PCM1: variants seen among roughly 807,000 people sequenced by gnomAD.
PCM1 encodes pericentriolar material 1 protein.
Under a neutral mutation model 241.9 loss-of-function variants are expected in PCM1, and 157 were observed. That is an observed-to-expected ratio of 0.65 (90% confidence interval 0.57 to 0.74). The LOEUF (loss-of-function observed/expected upper bound fraction) is 0.74. Ranked by LOEUF, PCM1 falls within the 30% of genes least tolerant of loss-of-function variation. PCM1 has a pLI of 0.00. For missense variants in PCM1, 3,478 were observed against 2,360.1 expected, an observed-to-expected ratio of 1.47 and a Z score of -9.81; for synonymous variants, 1,085 against 784.9, an observed-to-expected ratio of 1.38 and a Z score of -6.39.
chr8:17,937,499 G>A (rs1364940228), intron 4 of PCM1, 120 bp downstream of exon 4: 1 of 858,776 alleles, frequency 1.2e-6, no homozygotes, highest in Non-Finnish European at 1.7e-6. Context: ...AAAAGTTTCT[G>A]TGCCTATGGA....
At chr8:17,955,761 G>C in intron 10 of PCM1, 108 bp downstream of exon 10, 1 of 866,600 alleles carries the variant, frequency 1.2e-6, no homozygotes. Context: ...TAATATTGTT[G>C]TAAACATTCT....
At chr8:17,982,541 C>G (rs1011058107) in intron 24 of PCM1, 1 of 152,070 alleles carries the variant, frequency 6.6e-6, no homozygotes, top group African/African-American at 2.4e-5. Flanking sequence ...GTCATCCAGG[C>G]TGGAGTGCAG....
chr8:17,945,616 C>T (rs1220155724), intron 6 of PCM1, among the ~76,000 whole-genome samples: 1 of 152,086 alleles, frequency 6.6e-6, no homozygotes, highest in African/African-American at 2.4e-5. Flanking sequence ...TAAAATATTA[C>T]CACAGTTACT....
chr8:18,018,848 G>GTATA (rs765183382), intron 36 of PCM1, among the ~76,000 whole-genome samples: 391 of 35,952 alleles, frequency 0.011, 3 homozygotes, highest in African/African-American at 0.015. Context: ...ATGTGTGTGT[G>GTATA]TGTGTATATA....
chr8:17,935,551 T>C, intron 2 of PCM1, 38 bp from the exon 3 acceptor site: 1 of 706,318 alleles, frequency 1.4e-6, no homozygotes, highest in Non-Finnish European at 2.6e-6. Context: ...AATTTGTTTT[T>C]ATGTGTTATA....
intron 36 of PCM1, chr8:18,024,866 A>T (rs577239391): frequency 1.4e-4 from 22 of 152,420 alleles, no homozygotes; most frequent in African/African-American, 4.8e-4. Context: ...ATTAAAAATC[A>T]GAAGGGAGAA....
intron 2 of PCM1, among the ~76,000 whole-genome samples, chr8:17,935,068 A>G (rs997227742): frequency 1.1e-4 from 17 of 152,110 alleles, no homozygotes; most frequent in African/African-American, 3.1e-4. Context: ...CTCTTTCCCT[A>G]CCTTCTTATC....
chr8:17,997,823 G>A lies in PCM1; in HGVS notation c.4827+4204G>A, dbSNP rs188305071. Among the ~76,000 whole-genome samples, 4 of 150,730 alleles carry A rather than the reference G, an allele frequency of 2.7e-5. No homozygotes were observed. The East Asian group carries it at 7.9e-4, about 30-fold the overall frequency. On this transcript the variant is annotated intron_variant, in intron 29 of 38. Transcript: ENST00000325083. ...GGTGATCACTTGAGGTCAGGAGTTT[G>A]AGACCAGCCTGGCCAACACGGTGAA...
chr8:17,983,350 G>T, intron 24 of PCM1: 2 of 975,952 alleles, frequency 2.0e-6, no homozygotes, highest in Non-Finnish European at 2.9e-6. Flanking sequence ...TGGTCCTAAA[G>T]GTTTTATTGT....
intron 18 of PCM1, among the ~76,000 whole-genome samples, chr8:17,965,538 T>G (rs952849210): frequency 3.9e-5 from 6 of 152,222 alleles, no homozygotes; most frequent in African/African-American, 1.4e-4. Flanking sequence ...TGTTGAGAAT[T>G]AAGCAAAAAT....
chr8:17,934,387 G>C (rs1297681075), intron 2 of PCM1, among the ~76,000 whole-genome samples: 1 of 151,396 alleles, frequency 6.6e-6, no homozygotes, highest in South Asian at 2.1e-4. Flanking sequence ...TCAGCCTCCC[G>C]AGTAGCTGGG....
intron 22 of PCM1, among the ~76,000 whole-genome samples, chr8:17,970,932 T>C (rs1322586155): frequency 2.6e-5 from 4 of 152,170 alleles, no homozygotes; most frequent in Non-Finnish European, 5.9e-5. Flanking sequence ...CCTGTAGTCT[T>C]ATTCAGGGGT....
At chr8:17,990,145 A>T (rs1177478237) in intron 27 of PCM1, among the ~76,000 whole-genome samples, 166 bp downstream of exon 27, 1 of 152,134 alleles carries the variant, frequency 6.6e-6, no homozygotes, top group African/African-American at 2.4e-5. Flanking sequence ...TCTGACTCTT[A>T]ACCCTGTGAG....
intron 6 of PCM1, among the ~76,000 whole-genome samples, chr8:17,940,939 G>GT (rs1459191604): frequency 6.6e-6 from 1 of 152,072 alleles, no homozygotes; most frequent in Non-Finnish European, 1.5e-5. Flanking sequence ...ATCTCTTCGG[G>GT]TTTTGAGGTG....
chr8:17,963,221 C>A lies in PCM1; in HGVS notation c.2584C>A (p.Pro862Thr). Residue 862 changes from proline (P) to threonine (T), a missense_variant, in exon 17 of 39, where the codon CCA (proline) becomes ACA (threonine). Physicochemically the swap from Pro to Thr is conservative, Grantham distance 38. Transcript: ENST00000325083. Reference protein sequence around the residue: ...RRQGLAETASPVAVSLRSDGS... With the variant: ...RRQGLAETASTVAVSLRSDGS... Reference sequence around the variant, plus strand: ...GCAAGGTCTAGCTGAAACTGCATCTCCAGTGGCTGTGTCATTGAGAAGTGA... The same window carrying A: ...GCAAGGTCTAGCTGAAACTGCATCTACAGTGGCTGTGTCATTGAGAAGTGA... The A allele has an allele frequency of 6.2e-7, 1 of 1,613,566 alleles. No homozygotes were observed. Among genetic ancestry groups the A allele is most frequent in the Non-Finnish European group, 8.5e-7 (1 of 1,179,676 alleles).
chr8:17,995,676 A>G (rs1345223523), intron 29 of PCM1, among the ~76,000 whole-genome samples: 7 of 151,716 alleles, frequency 4.6e-5, no homozygotes, highest in Non-Finnish European at 1.0e-4. Flanking sequence ...TTTTAACAAT[A>G]TTGATTTTTC....
At chr8:17,929,372 C>T (rs1268853657) in intron 2 of PCM1, among the ~76,000 whole-genome samples, 2 of 152,148 alleles carry the variant, frequency 1.3e-5, no homozygotes, top group Non-Finnish European at 2.9e-5. Context: ...ATCTGGTCTT[C>T]TCTTACTCTT....
chr8:17,940,212 C>G, intron 6 of PCM1: 1 of 937,672 alleles, frequency 1.1e-6, no homozygotes, highest in Non-Finnish European at 1.6e-6. Flanking sequence ...AAATTTTTCT[C>G]CCAGTTTTCA....
chr8:17,964,873 A>C, intron 18 of PCM1, 105 bp downstream of exon 18: 1 of 798,716 alleles, frequency 1.3e-6, no homozygotes. Flanking sequence ...ATGTCCTACA[A>C]CTCAATTCAA....
Sources: allele counts gnomAD v4.1 joint callset (sites outside exome capture counted in the v4.1 genomes callset), GRCh38; gene constraint gnomAD v4.1.1; transcripts MANE v1.5; gene names NCBI Gene and HGNC (gene_info 2026-07-23, HGNC 2026-07-21).